The following GPHN variants were observed in gnomAD, a reference collection of about 807,000 sequenced individuals.
GPHN encodes the protein gephyrin.
Under a neutral mutation model 95.5 loss-of-function variants are expected in GPHN, and 17 were observed. That is an observed-to-expected ratio of 0.18 (90% confidence interval 0.12 to 0.27). The LOEUF is 0.27. Ranked by LOEUF, GPHN falls within the 10% of genes least tolerant of loss-of-function variation. The pLI, the probability that GPHN is intolerant of heterozygous loss-of-function variation, is 1.00. For synonymous variants in GPHN, 320 were observed against 322.5 expected (o/e 0.99, Z 0.08); for missense variants, 660 against 978.1 (o/e 0.67, Z 4.34).
the GPHN span, chr14:67,722,856 G>A: frequency 5.2e-6 from 4 of 768,906 alleles, no homozygotes; most frequent in Non-Finnish European, 6.8e-6. Flanking sequence ...GGGGTGTTGT[G>A]GATACCATGG....
At chr14:67,451,122 GT>G in the GPHN span, among the ~76,000 whole-genome samples, 2 of 152,206 alleles carry the variant, frequency 1.3e-5, no homozygotes, top group African/African-American at 2.4e-5. Flanking sequence ...GAGCCTGTGA[GT>G]GCACAGAAGT....
the GPHN span, among the ~76,000 whole-genome samples, chr14:67,378,080 A>G: frequency 2.6e-5 from 4 of 151,438 alleles, no homozygotes; most frequent in African/African-American, 9.7e-5. Flanking sequence ...TTGTGATTGC[A>G]CCACTGCACT....
chr14:66,582,879 T>C (rs899700108), intron 1 of GPHN, among the ~76,000 whole-genome samples: 4 of 152,190 alleles, frequency 2.6e-5, no homozygotes, highest in Admixed American at 1.3e-4. Context: ...GCATGATTTA[T>C]AATCCTTTGG....
rs940075208 is a variant in GPHN at position 67,070,251 on chromosome 14, C to G, written c.1144+11465C>G. Among the ~76,000 whole-genome samples the G allele has an allele frequency of 3.3e-5, 5 of 151,204 alleles. No individual in the cohort carries two copies. In the South Asian group the frequency reaches 8.3e-4, roughly 25 times the overall value. Reference sequence around the variant, plus strand: ...CTTCAAAATGTATATCTTAATCCCTCAATATATTTTTGTGACATATATGTG... The same window carrying G: ...CTTCAAAATGTATATCTTAATCCCTGAATATATTTTTGTGACATATATGTG... On this transcript the variant is annotated intron_variant, in intron 11 of 22. Transcript: ENST00000478722.
the GPHN span, among the ~76,000 whole-genome samples, chr14:67,389,955 G>T: frequency 6.6e-6 from 1 of 152,050 alleles, no homozygotes; most frequent in Non-Finnish European, 1.5e-5. Flanking sequence ...CCTGGCCCTG[G>T]CCTAGCTGGG....
At chr14:66,625,776 CGTTTA>C (rs1262771662) in intron 1 of GPHN, among the ~76,000 whole-genome samples, 1 of 152,084 alleles carries the variant, frequency 6.6e-6, no homozygotes, top group African/African-American at 2.4e-5. Flanking sequence ...TTTGTTACTG[CGTTTA>C]GTTTAATCTG....
intron 10 of GPHN, among the ~76,000 whole-genome samples, chr14:67,048,813 CAT>C (rs1205995809): frequency 1.3e-5 from 2 of 152,210 alleles, no homozygotes; most frequent in South Asian, 2.1e-4. Flanking sequence ...TGTATTTTCA[CAT>C]GTTTTGTAAT....
At chr14:67,458,111 A>G in the GPHN span, among the ~76,000 whole-genome samples, 1 of 152,056 alleles carries the variant, frequency 6.6e-6, no homozygotes, top group Non-Finnish European at 1.5e-5. Flanking sequence ...ACCTGAGGAG[A>G]GCTGAGCCTT....
the GPHN span, chr14:67,412,132 CCCGCGCAGT>C: frequency 1.5e-6 from 2 of 1,312,872 alleles, no homozygotes; most frequent in Non-Finnish European, 2.0e-6. Flanking sequence ...ACCCGCGCAG[CCCGCGCAGT>C]CCGCGCCCAC....
At chr14:67,641,313 T>G in the GPHN span, among the ~76,000 whole-genome samples, 1 of 152,056 alleles carries the variant, frequency 6.6e-6, no homozygotes, top group Non-Finnish European at 1.5e-5. Context: ...TATTCCAAAA[T>G]CTGAAAAAAA....
the GPHN span, chr14:67,473,305 G>T: frequency 6.9e-7 from 1 of 1,439,006 alleles, no homozygotes. This position sits in a 1 kb window ranked among gnomAD's most constrained non-coding sequence, Gnocchi z 6.5. Flanking sequence ...GCCCTATAGG[G>T]CTGAGGCTTG....
chr14:67,296,980 A>C, the GPHN span, among the ~76,000 whole-genome samples: 1 of 152,208 alleles, frequency 6.6e-6, no homozygotes, highest in Non-Finnish European at 1.5e-5. Context: ...GATGCAGAGA[A>C]GGCATCTGAA....
chr14:66,690,027 TA>T (rs146329252), intron 2 of GPHN, among the ~76,000 whole-genome samples: 1,829 of 152,100 alleles, frequency 0.012, 18 homozygotes, highest in Non-Finnish European at 0.018. Flanking sequence ...TTATATGTTG[TA>T]TTTTTTTCTC....
At chr14:66,996,246 G>A (rs576850036) in intron 9 of GPHN, 2 of 1,371,040 alleles carry the variant, frequency 1.5e-6, no homozygotes, top group Non-Finnish European at 2.0e-6. Flanking sequence ...TTTCTTACAT[G>A]GTCAATAACA....
chr14:67,382,343 TGG>T, the GPHN span: 4 of 1,066,336 alleles, frequency 3.8e-6, no homozygotes, highest in South Asian at 6.5e-5. Flanking sequence ...AATTACGTTT[TGG>T]GGTGATTTGT....
chr14:66,841,518 A>C (rs781546100), intron 4 of GPHN, among the ~76,000 whole-genome samples: 10 of 152,196 alleles, frequency 6.6e-5, no homozygotes, highest in Non-Finnish European at 1.5e-4. Flanking sequence ...TAGATTACTG[A>C]TATATTTTGA....
intron 9 of GPHN, among the ~76,000 whole-genome samples, chr14:66,975,848 GGGTGACAAAGCAA>G (rs1453261709): frequency 6.6e-6 from 1 of 152,138 alleles, no homozygotes; most frequent in Non-Finnish European, 1.5e-5. Flanking sequence ...CTCCCAGCCT[GGGTGACAAAGCAA>G]GGCTCTGTCT....
chr14:66,599,833 A>G (rs2062150495), intron 1 of GPHN, among the ~76,000 whole-genome samples: 1 of 152,016 alleles, frequency 6.6e-6, no homozygotes, highest in African/African-American at 2.4e-5. Context: ...GTGTATATCT[A>G]TATATCTGTA....
chr14:67,022,776 G>A (rs1271878774), intron 9 of GPHN, among the ~76,000 whole-genome samples: 1 of 151,442 alleles, frequency 6.6e-6, no homozygotes, highest in Admixed American at 6.6e-5. Flanking sequence ...TTAATTTGTT[G>A]TGTATATATC....
Sources: allele counts gnomAD v4.1 joint callset (sites outside exome capture counted in the v4.1 genomes callset), GRCh38; gene constraint gnomAD v4.1.1; non-coding constraint Gnocchi (gnomAD v3.1); transcripts MANE v1.5; gene names NCBI Gene and HGNC (gene_info 2026-07-23, HGNC 2026-07-21).